The following CRYL1 variants were observed in gnomAD, a reference collection of about 807,000 sequenced individuals.
CRYL1 encodes the protein lambda-crystallin homolog.
Under a neutral mutation model 36.6 loss-of-function variants are expected in CRYL1, and 29 were observed. The ratio of observed to expected loss-of-function variants is 0.79; its 90% CI spans 0.59 to 1.08. The LOEUF (loss-of-function observed/expected upper bound fraction) is 1.08, where lower values mean the gene tolerates loss of function less well. CRYL1 is among the 50% of genes least tolerant of loss of function. The pLI is 0.00. For missense variants in CRYL1, 411 were observed against 407.9 expected (o/e 1.01, Z -0.06); for synonymous variants, 152 against 151.5 (o/e 1.00, Z -0.02).
intron 3 of CRYL1, among the ~76,000 whole-genome samples, chr13:20,483,499 A>C (rs1333721247): frequency 6.6e-6 from 1 of 151,960 alleles, no homozygotes; most frequent in East Asian, 1.9e-4. Context: ...GTACCACATC[A>C]TCATTCTAAA....
At chr13:20,450,467 G>C (rs936243196) in intron 3 of CRYL1, among the ~76,000 whole-genome samples, 5 of 151,796 alleles carry the variant, frequency 3.3e-5, no homozygotes, top group African/African-American at 1.2e-4. Context: ...TTAAATATAA[G>C]ACATAAAACT....
At chr13:20,499,265 G>A (rs1293245099) in intron 2 of CRYL1, among the ~76,000 whole-genome samples, 1 of 151,124 alleles carries the variant, frequency 6.6e-6, no homozygotes, top group African/African-American at 2.4e-5. Context: ...AGGATTGCTT[G>A]AGCCCAGGGG....
chr13:20,418,021 A>C (rs1188665348), intron 5 of CRYL1, among the ~76,000 whole-genome samples: 2 of 152,172 alleles, frequency 1.3e-5, no homozygotes, highest in Non-Finnish European at 2.9e-5. Flanking sequence ...GGCCATCAGG[A>C]GGGCAGGCCG....
chr13:20,486,933 A>G (rs1279575087), intron 3 of CRYL1, among the ~76,000 whole-genome samples: 4 of 152,188 alleles, frequency 2.6e-5, no homozygotes, highest in African/African-American at 9.7e-5. Flanking sequence ...TGCCTTCTAA[A>G]TTCACATATT....
At chr13:20,516,730 T>G (rs1459548143) in intron 1 of CRYL1, among the ~76,000 whole-genome samples, 1 of 152,152 alleles carries the variant, frequency 6.6e-6, no homozygotes, top group Non-Finnish European at 1.5e-5. Context: ...TCCACCTGCC[T>G]TGGCCTCCAA....
chr13:20,425,204 G>A lies in CRYL1; in HGVS notation c.633+6898C>T, dbSNP rs954966201. Among the ~76,000 whole-genome samples the A allele has an allele frequency of 1.3e-5, 2 of 152,184 alleles. No homozygotes were observed. Among genetic ancestry groups the A allele is most frequent in the Admixed American group, 6.5e-5 (1 of 15,272 alleles). ...CAGCAGGACCCCGTCTCCTGTTGGCGGTGGCTCCGCACAGGCTTCCTCTTG... is the reference window on the plus strand; with the variant it reads ...CAGCAGGACCCCGTCTCCTGTTGGCAGTGGCTCCGCACAGGCTTCCTCTTG... On this transcript the variant is annotated intron_variant, in intron 5 of 7. Transcript: ENST00000298248. This position sits in a 1 kb window ranked among gnomAD's most constrained non-coding sequence, Gnocchi z 4.4.
At chr13:20,496,290 G>A (rs995955299) in intron 2 of CRYL1, among the ~76,000 whole-genome samples, 6 of 152,286 alleles carry the variant, frequency 3.9e-5, no homozygotes, top group South Asian at 2.1e-4. Flanking sequence ...ACAGAGTTCA[G>A]TTTTACAAGA....
At chr13:20,479,178 T>A (rs2033226638) in intron 3 of CRYL1, among the ~76,000 whole-genome samples, 1 of 152,234 alleles carries the variant, frequency 6.6e-6, no homozygotes, top group South Asian at 2.1e-4. Context: ...AGAATGTGGA[T>A]GTTGGGATGA....
chr13:20,423,670 T>C (rs895522716), intron 5 of CRYL1, among the ~76,000 whole-genome samples: 1 of 151,892 alleles, frequency 6.6e-6, no homozygotes, highest in African/African-American at 2.4e-5. Context: ...AGTTTGCTAG[T>C]GTTTTGTTGA....
chr13:20,427,678 G>A (rs1478964824), intron 5 of CRYL1, among the ~76,000 whole-genome samples: 1 of 148,458 alleles, frequency 6.7e-6, no homozygotes, highest in Non-Finnish European at 1.5e-5. Context: ...GAGTGAGTGA[G>A]TGAGACTGAA....
chr13:20,490,038 G>T (rs538783736), intron 2 of CRYL1, among the ~76,000 whole-genome samples: 1 of 152,180 alleles, frequency 6.6e-6, no homozygotes, highest in Non-Finnish European at 1.5e-5. Context: ...AAATAAGCCA[G>T]TCACAAAAGG....
intron 3 of CRYL1, among the ~76,000 whole-genome samples, chr13:20,461,971 AGCCTGGGGGAGGAGGAGGCGGGAGGACT>A (rs2032829701): frequency 1.9e-5 from 2 of 107,010 alleles, no homozygotes; most frequent in Admixed American, 1.0e-4. Flanking sequence ...GTGGGAGGGC[AGCCTGGGGGAGGAGGAGGCGGGAGGACT>A]GCCTGGTGGG....
chr13:20,465,585 G>C (rs2032916069), intron 3 of CRYL1, among the ~76,000 whole-genome samples: 1 of 152,188 alleles, frequency 6.6e-6, no homozygotes, highest in Admixed American at 6.5e-5. Flanking sequence ...TCCTGAGCAA[G>C]GGTAAGAGAA....
At chr13:20,460,511 C>CTT (rs71074302) in intron 3 of CRYL1, among the ~76,000 whole-genome samples, 10 of 70,306 alleles carry the variant, frequency 1.4e-4, no homozygotes, top group African/African-American at 5.3e-4. Flanking sequence ...TAGGCAGCTG[C>CTT]TTTTTTTTTT....
At chr13:20,457,727 A>G (rs1214401726) in intron 3 of CRYL1, among the ~76,000 whole-genome samples, 1 of 152,308 alleles carries the variant, frequency 6.6e-6, no homozygotes, top group East Asian at 1.9e-4. Context: ...CAACACACCA[A>G]CCTCAAAGGA....
intron 2 of CRYL1, among the ~76,000 whole-genome samples, chr13:20,497,618 A>T (rs911690877): frequency 6.7e-6 from 1 of 150,142 alleles, no homozygotes; most frequent in African/African-American, 2.5e-5. Context: ...AACTACATAC[A>T]TACCACATAC....
At chr13:20,454,036 C>T (rs142356379) in intron 3 of CRYL1, among the ~76,000 whole-genome samples, 21 of 152,226 alleles carry the variant, frequency 1.4e-4, no homozygotes, top group African/African-American at 4.8e-4. Flanking sequence ...CAGAAAACTC[C>T]AGGCCCAGGG....
intron 3 of CRYL1, among the ~76,000 whole-genome samples, chr13:20,480,661 C>T (rs148522201): frequency 6.6e-6 from 1 of 152,360 alleles, no homozygotes; most frequent in Non-Finnish European, 1.5e-5. Flanking sequence ...AGGCAGGTCA[C>T]TGCCTCGTCC....
chr13:20,522,611 G>A (rs1317834622), intron 1 of CRYL1, among the ~76,000 whole-genome samples: 1 of 151,666 alleles, frequency 6.6e-6, no homozygotes, highest in African/African-American at 2.4e-5. Context: ...TCTATCCTTA[G>A]GGGAAAGGCC....
Sources: gnomAD v4.1 joint callset for allele counts (sites outside exome capture counted in the v4.1 genomes callset) on GRCh38, gnomAD v4.1.1 for gene constraint, Gnocchi (gnomAD v3.1) non-coding constraint, MANE v1.5 for transcripts, NCBI Gene and HGNC (gene_info 2026-07-23, HGNC 2026-07-21) for gene names.